Variants in KIAA1671 observed in about 807,000 individuals in gnomAD.
KIAA1671 encodes the protein KIAA1671.
KIAA1671 carries 52 observed loss-of-function variants against 131.2 expected under a neutral mutation model. That is an observed-to-expected ratio of 0.40 (90% CI 0.32 to 0.50). The LOEUF is 0.50. Among genes scored for constraint, KIAA1671 ranks in the 20% least tolerant of loss-of-function variants. KIAA1671 has a pLI of 0.73. For missense variants in KIAA1671, 2,360 were observed against 2,364.2 expected (o/e 1.00, Z 0.04); for synonymous variants, 1,003 against 961.6 (o/e 1.04, Z -0.80).
At chr22:25,070,336 T>C (rs756330799) in intron 6 of KIAA1671, 52 of 449,838 alleles carry the variant, frequency 1.2e-4, no homozygotes, top group Non-Finnish European at 1.8e-4. Context: ...AACCGTACTG[T>C]GCTCACCACA....
intron 6 of KIAA1671, among the ~76,000 whole-genome samples, chr22:25,148,563 C>T (rs887128030): frequency 2.6e-5 from 4 of 152,200 alleles, no homozygotes; most frequent in South Asian, 2.1e-4. Flanking sequence ...TGTCCTTTCT[C>T]GCTGAAGCAG....
chr22:25,196,627 AG>A lies in KIAA1671; in HGVS notation c.*4228del. 6.6e-6 allele frequency: 1 copy of A among 152,192 alleles called. No homozygotes were observed. Among genetic ancestry groups the A allele is most frequent in the South Asian group, 2.1e-4 (1 of 4,822 alleles). The allele number at this position is 152,192 out of a possible 1,614,324, so 9.4% of individuals were successfully genotyped here. A position where few individuals can be genotyped will look rare whatever the true frequency, so the allele number is the denominator to read the frequency against. Reference sequence around the variant, plus strand: ...TCTTTTAAATCTGTTTTGTAGAAACAGGATCTCACTATATTGCCCAAGCTGG... The same window carrying A: ...TCTTTTAAATCTGTTTTGTAGAAACAGATCTCACTATATTGCCCAAGCTGG... On this transcript the variant is annotated 3_prime_UTR_variant, in exon 13 of 13. Coordinates refer to ENST00000358431, the MANE Select transcript of KIAA1671 (RefSeq NM_001145206.2).
chr22:25,143,363 T>C (rs1011657279), intron 6 of KIAA1671, among the ~76,000 whole-genome samples: 1 of 152,240 alleles, frequency 6.6e-6, no homozygotes, highest in Admixed American at 6.5e-5. Context: ...ATGGCAGATG[T>C]GTCAGAAAGC....
At chr22:25,140,242 G>A (rs1418281048) in intron 6 of KIAA1671, among the ~76,000 whole-genome samples, 1 of 152,256 alleles carries the variant, frequency 6.6e-6, no homozygotes, top group African/African-American at 2.4e-5. Flanking sequence ...CTTGCTGGCT[G>A]TCAGCTGGAG....
chr22:25,180,429 T>C (rs906090100), intron 9 of KIAA1671, among the ~76,000 whole-genome samples: 1 of 152,098 alleles, frequency 6.6e-6, no homozygotes, highest in South Asian at 2.1e-4. Flanking sequence ...TCCCAGCTAC[T>C]TAGGAGGCTG....
At chr22:25,163,590 C>T (rs927709979) in intron 6 of KIAA1671, among the ~76,000 whole-genome samples, 6 of 151,092 alleles carry the variant, frequency 4.0e-5, no homozygotes, top group Admixed American at 2.0e-4. Flanking sequence ...TACAGGTGCA[C>T]GCCACCACGC....
At chr22:25,169,042 G>A (rs115208141) in intron 6 of KIAA1671, among the ~76,000 whole-genome samples, 2,073 of 152,232 alleles carry the variant, frequency 0.014, 58 homozygotes, top group African/African-American at 0.048. Flanking sequence ...CAGAACGTAA[G>A]GAGTAAAGAT....
At chr22:25,097,387 G>A (rs1482146363) in intron 6 of KIAA1671, among the ~76,000 whole-genome samples, 1 of 152,168 alleles carries the variant, frequency 6.6e-6, no homozygotes, top group Admixed American at 6.5e-5. Context: ...TTCACCAGCT[G>A]GTATTAGTAT....
At position 25,008,293 on chromosome 22, in the gene KIAA1671, G is replaced by T. The variant is rs1462117553; in HGVS notation, c.-207-17340G>T. ...TGGGCAAAGCCAAGAACCCTCCCAG[G>T]CCAGGCCAAGCCCCAGTTTTGGTGC... is the stretch of plus-strand genomic sequence containing the variant. On this transcript the variant is annotated intron_variant, in intron 1 of 12. Coordinates refer to ENST00000358431, the MANE Select transcript of KIAA1671 (RefSeq NM_001145206.2). Among the ~76,000 whole-genome samples, 6 of 151,606 alleles carry T rather than the reference G, an allele frequency of 4.0e-5. No homozygotes were observed. The East Asian group carries it at 5.8e-4, about 15-fold the overall frequency.
chr22:25,051,991 C>T (rs9612839), intron 6 of KIAA1671: 1 of 152,188 alleles, frequency 6.6e-6, no homozygotes, highest in African/African-American at 2.4e-5. Context: ...GCTCAGAATG[C>T]TTCAGCCCCT....
At chr22:24,968,058 T>C (rs1319857281) in intron 1 of KIAA1671, among the ~76,000 whole-genome samples, 2 of 152,100 alleles carry the variant, frequency 1.3e-5, no homozygotes, top group South Asian at 4.1e-4. Flanking sequence ...CACCTTCTTC[T>C]TGGAGAGGCG....
At chr22:25,083,013 T>C (rs1396660236) in intron 6 of KIAA1671, among the ~76,000 whole-genome samples, 1 of 152,192 alleles carries the variant, frequency 6.6e-6, no homozygotes, top group Non-Finnish European at 1.5e-5. Flanking sequence ...TGTAATAATA[T>C]CGTAATCAGA....
At chr22:25,042,506 A>G (rs1602092426) in intron 5 of KIAA1671, among the ~76,000 whole-genome samples, 1 of 119,676 alleles carries the variant, frequency 8.4e-6, no homozygotes, top group Non-Finnish European at 1.6e-5. Flanking sequence ...TCACACTGTC[A>G]CCTGGGCTGG....
chr22:25,189,205 G>A (rs1440327411), intron 11 of KIAA1671, among the ~76,000 whole-genome samples: 1 of 147,680 alleles, frequency 6.8e-6, no homozygotes, highest in Admixed American at 6.9e-5. Flanking sequence ...CCAGGCTGGA[G>A]TGCAGCAGAG....
At chr22:25,050,947 C>T (rs1418671050) in intron 6 of KIAA1671, 1 of 152,104 alleles carries the variant, frequency 6.6e-6, no homozygotes. Flanking sequence ...GGGAGAGAAG[C>T]ATTTTAAACC....
chr22:25,012,418 A>G (rs1416403512), intron 1 of KIAA1671: 2 of 151,888 alleles, frequency 1.3e-5, no homozygotes, highest in Non-Finnish European at 2.9e-5. Context: ...GACTACAGGC[A>G]TGCGTCACCA....
chr22:25,098,866 C>T (rs1930514041), intron 6 of KIAA1671, among the ~76,000 whole-genome samples: 2 of 152,156 alleles, frequency 1.3e-5, no homozygotes, highest in Admixed American at 6.5e-5. Context: ...GCGTGGGTGG[C>T]GCAAAAGAGA....
At chr22:25,062,421 G>C (rs1260928207) in intron 6 of KIAA1671, 1 of 152,292 alleles carries the variant, frequency 6.6e-6, no homozygotes, top group Non-Finnish European at 1.5e-5. Context: ...ACCCCAGAAG[G>C]AAGCACTGTA....
chr22:24,969,305 C>T (rs1922474904), intron 1 of KIAA1671, among the ~76,000 whole-genome samples: 1 of 152,176 alleles, frequency 6.6e-6, no homozygotes, highest in African/African-American at 2.4e-5. Context: ...AGCTCAAGTC[C>T]TGTATATAAA....
Sources: allele counts gnomAD v4.1 joint callset (sites outside exome capture counted in the v4.1 genomes callset), GRCh38; gene constraint gnomAD v4.1.1; transcripts MANE v1.5; gene names NCBI Gene and HGNC (gene_info 2026-07-23, HGNC 2026-07-21).